TCF12: variants seen among roughly 807,000 people sequenced by gnomAD.
The protein encoded by TCF12 is DNA-binding protein HTF4.
In TCF12, 45 loss-of-function variants were observed where a neutral mutation model predicts 86.0. That is an observed-to-expected ratio of 0.52 (90% CI 0.41 to 0.67). The LOEUF (loss-of-function observed/expected upper bound fraction) is 0.67. Ranked by LOEUF, TCF12 falls within the 30% of genes least tolerant of loss-of-function variation. The pLI is 0.00. For synonymous variants in TCF12, 330 were observed against 299.6 expected, an observed-to-expected ratio of 1.10 and a Z score of -1.05; for missense variants, 881 against 859.9, an observed-to-expected ratio of 1.02 and a Z score of -0.31.
intron 5 of TCF12, among the ~76,000 whole-genome samples, chr15:57,119,533 A>G (rs2051084118): frequency 1.3e-5 from 2 of 149,452 alleles, no homozygotes; most frequent in South Asian, 4.4e-4. Context: ...AGTCAAGTAT[A>G]ATTGTAAACC....
chr15:57,157,268 A>G (rs534596987), intron 5 of TCF12, among the ~76,000 whole-genome samples: 1 of 151,876 alleles, frequency 6.6e-6, no homozygotes, highest in South Asian at 2.1e-4. Context: ...GTACACATTC[A>G]TGATGGGTTT....
At chr15:56,972,307 G>T (rs1013191841) in intron 3 of TCF12, among the ~76,000 whole-genome samples, 16 of 152,182 alleles carry the variant, frequency 1.1e-4, no homozygotes, top group Admixed American at 9.2e-4. Context: ...TCACCCTGAA[G>T]ATTTGCTTCC....
intron 5 of TCF12, among the ~76,000 whole-genome samples, chr15:57,124,201 A>G (rs1490092842): frequency 6.6e-6 from 1 of 152,042 alleles, no homozygotes; most frequent in African/African-American, 2.4e-5. Flanking sequence ...CTGATTTTCC[A>G]TTCTGTTCTA....
At chr15:56,935,978 A>G (rs2060453411) in intron 3 of TCF12, among the ~76,000 whole-genome samples, 2 of 152,188 alleles carry the variant, frequency 1.3e-5, no homozygotes, top group South Asian at 4.2e-4. Context: ...TTTTTCATAT[A>G]ATGACTTCTT....
chr15:57,111,404 G>A (rs1164502449), intron 5 of TCF12, among the ~76,000 whole-genome samples: 1 of 151,938 alleles, frequency 6.6e-6, no homozygotes, highest in African/African-American at 2.4e-5. Context: ...TTTAGACTGA[G>A]GTCCTTGGTG....
At chr15:57,225,637 T>C (rs1198047265) in intron 8 of TCF12, among the ~76,000 whole-genome samples, 2 of 152,138 alleles carry the variant, frequency 1.3e-5, no homozygotes, top group Non-Finnish European at 2.9e-5. Flanking sequence ...CAGAAAAATA[T>C]ATAGGAAATG....
Position 57,232,303 on chromosome 15 carries a change from A to G in TCF12, c.698A>G (p.Asn233Ser), listed in dbSNP as rs759064654. 1.2e-6 allele frequency: 2 copies of G among 1,613,836 alleles called. No individual in the cohort carries two copies. The highest frequency in any genetic ancestry group is 2.7e-5 in the African/African-American group (2 of 74,902). The stretch of plus-strand genomic sequence containing the variant: ...CTTTTTGTCTTAGATGGGACCCACA[A>G]TTCTTCTGACCTTTGGAGTTCATCA... ...STFFMQDGTH[N>S]SSDLWSSSNG... The change falls in exon 10 of 21, where the codon AAT (asparagine) becomes AGT (serine). Residue 233 changes from asparagine to serine, a missense_variant. Physicochemically the swap from Asn to Ser is conservative, Grantham distance 46. Transcript: ENST00000333725.
At chr15:57,023,848 G>A (rs892522590) in intron 3 of TCF12, among the ~76,000 whole-genome samples, 2 of 152,186 alleles carry the variant, frequency 1.3e-5, no homozygotes, top group Admixed American at 1.3e-4. Flanking sequence ...GAGGGTTGTA[G>A]GGGATAGTTT....
chr15:57,069,442 C>G (rs1165367641), intron 4 of TCF12, among the ~76,000 whole-genome samples: 1 of 152,130 alleles, frequency 6.6e-6, no homozygotes, highest in Admixed American at 6.5e-5. Context: ...TCTCTTCTGT[C>G]TGTATTATGG....
At chr15:56,989,306 C>A (rs1410742275) in intron 3 of TCF12, among the ~76,000 whole-genome samples, 1 of 152,118 alleles carries the variant, frequency 6.6e-6, no homozygotes, top group African/African-American at 2.4e-5. Flanking sequence ...TTCCTCTTGA[C>A]CTGCAAAGCC....
intron 8 of TCF12, chr15:57,219,435 AG>A (rs2058476374): frequency 6.6e-7 from 1 of 1,513,380 alleles, no homozygotes; most frequent in Non-Finnish European, 9.0e-7. Flanking sequence ...ATAGTACTGA[AG>A]ACTTACTCCC....
intron 5 of TCF12, among the ~76,000 whole-genome samples, chr15:57,155,570 G>A (rs190415800): frequency 2.6e-4 from 40 of 152,246 alleles, no homozygotes; most frequent in Non-Finnish European, 5.0e-4. Context: ...TGAGGTGGGA[G>A]GCTGACTTGA....
intron 3 of TCF12, among the ~76,000 whole-genome samples, chr15:57,015,657 A>C (rs1283968898): frequency 6.6e-6 from 1 of 152,148 alleles, no homozygotes; most frequent in East Asian, 1.9e-4. Flanking sequence ...TTTGTGGGCT[A>C]CATAGCCCCA....
chr15:57,034,097 G>C (rs1240543883), intron 3 of TCF12, among the ~76,000 whole-genome samples: 2 of 152,066 alleles, frequency 1.3e-5, no homozygotes, highest in South Asian at 2.1e-4. Flanking sequence ...GTTTGGATTT[G>C]GATACAGTTT....
intron 3 of TCF12, among the ~76,000 whole-genome samples, chr15:57,051,263 G>C (rs1945429670): frequency 6.6e-6 from 1 of 152,186 alleles, no homozygotes; most frequent in African/African-American, 2.4e-5. Flanking sequence ...TGAAATCTGT[G>C]ATCAGTTATT....
chr15:57,264,195 CTTTTTTTTTTT>C (rs770642915), intron 18 of TCF12, among the ~76,000 whole-genome samples: 28 of 50,702 alleles, frequency 5.5e-4, no homozygotes, highest in Admixed American at 1.1e-3. Flanking sequence ...CTTTTGTAAG[CTTTTTTTTTTT>C]TTTTTTTTTT....
chr15:57,086,914 C>T (rs936023609), intron 4 of TCF12, among the ~76,000 whole-genome samples: 2 of 151,708 alleles, frequency 1.3e-5, no homozygotes, highest in African/African-American at 4.8e-5. Context: ...TTAAATGAGC[C>T]GTTTTAAAAA....
chr15:57,148,603 C>T (rs2053531925), intron 5 of TCF12, among the ~76,000 whole-genome samples: 1 of 150,570 alleles, frequency 6.6e-6, no homozygotes, highest in Non-Finnish European at 1.5e-5. Flanking sequence ...CTCAAATGGC[C>T]AGGCACAGTG....
At chr15:57,188,503 A>T (rs1272033669) in intron 6 of TCF12, among the ~76,000 whole-genome samples, 1 of 152,220 alleles carries the variant, frequency 6.6e-6, no homozygotes, top group African/African-American at 2.4e-5. Context: ...TCAAGATCCC[A>T]AGTAGCCACA....
Sources: allele counts gnomAD v4.1 joint callset (sites outside exome capture counted in the v4.1 genomes callset), GRCh38; gene constraint gnomAD v4.1.1; transcripts MANE v1.5; gene names NCBI Gene and HGNC (gene_info 2026-07-23, HGNC 2026-07-21).